The following PIGX variants were observed in gnomAD, a reference collection of about 807,000 sequenced individuals.
The protein encoded by PIGX is GPI alpha-1,4-mannosyltransferase I, stabilizing subunit.
Under a neutral mutation model 28.7 loss-of-function variants are expected in PIGX, and 24 were observed. That is an observed-to-expected ratio of 0.84 (90% confidence interval 0.60 to 1.17). PIGX has a LOEUF of 1.17. Among genes scored for constraint, PIGX ranks in the 50% most tolerant of loss-of-function variants. The probability of loss-of-function intolerance (pLI) is 0.00; values close to 1 mark genes in which losing one functional copy is unlikely to be tolerated. For missense variants in PIGX, 305 were observed against 317.8 expected, an observed-to-expected ratio of 0.96 and a Z score of 0.31; for synonymous variants, 127 against 121.0, an observed-to-expected ratio of 1.05 and a Z score of -0.33.
chr3:196,724,622 A>G (rs1712452106), intron 3 of PIGX, among the ~76,000 whole-genome samples: 1 of 152,054 alleles, frequency 6.6e-6, no homozygotes, highest in Non-Finnish European at 1.5e-5. Context: ...CTTGATCTTG[A>G]TTTTCTGCTT....
At chr3:196,723,107 CAAGG>C (rs1270714141) in intron 3 of PIGX, among the ~76,000 whole-genome samples, 13 of 152,130 alleles carry the variant, frequency 8.5e-5, no homozygotes, top group Non-Finnish European at 1.6e-4. Context: ...TTTGGGAGGC[CAAGG>C]CAGGCAGATT....
chr3:196,722,211 T>TA (rs1712353503), intron 2 of PIGX, among the ~76,000 whole-genome samples: 1 of 152,248 alleles, frequency 6.6e-6, no homozygotes, highest in Admixed American at 6.5e-5. Flanking sequence ...ATTTTTACAA[T>TA]AATGCTATAG....
At chr3:196,725,395 GAAGT>G (rs1050820025) in intron 3 of PIGX, among the ~76,000 whole-genome samples, 6 of 152,128 alleles carry the variant, frequency 3.9e-5, no homozygotes, top group African/African-American at 1.4e-4. Flanking sequence ...CGAGAGAAGG[GAAGT>G]AAGTAAGGTG....
chr3:196,729,411 T>A (rs957770195), intron 4 of PIGX, among the ~76,000 whole-genome samples: 4 of 149,112 alleles, frequency 2.7e-5, no homozygotes, highest in African/African-American at 1.0e-4. Context: ...CTTTCTTTCT[T>A]ATTTTTTTTT....
intron 4 of PIGX, chr3:196,728,801 C>G (rs1039329696): frequency 1.3e-6 from 1 of 765,576 alleles, no homozygotes; most frequent in Non-Finnish European, 2.4e-6. Context: ...TATTAGTAGG[C>G]ATGTACTATG....
At chr3:196,732,295 T>G (rs1577682374) in intron 5 of PIGX, among the ~76,000 whole-genome samples, 1 of 106,976 alleles carries the variant, frequency 9.3e-6, no homozygotes, top group Non-Finnish European at 1.9e-5. Flanking sequence ...TTTATTTTTT[T>G]TTTTGAGACG....
chr3:196,725,367 A>C (rs2049232), intron 3 of PIGX, among the ~76,000 whole-genome samples: 59,984 of 151,986 alleles, frequency 0.39, 11,965 homozygotes, highest in East Asian at 0.56. Flanking sequence ...ATATCAGGCA[A>C]TGAAGGGCAG....
At chr3:196,728,732 T>C in intron 4 of PIGX, 1 of 766,408 alleles carries the variant, frequency 1.3e-6, no homozygotes, top group East Asian at 2.4e-5. Context: ...AGATTCCGGT[T>C]TGATTCCTTT....
At chr3:196,732,122 G>A (rs867086394) in intron 5 of PIGX, among the ~76,000 whole-genome samples, 64 of 148,496 alleles carry the variant, frequency 4.3e-4, no homozygotes, top group Middle Eastern at 3.6e-3. Flanking sequence ...CACCACACCT[G>A]ACTTCAGTTG....
At chr3:196,723,483 T>A (rs922128120) in intron 3 of PIGX, among the ~76,000 whole-genome samples, 1 of 152,196 alleles carries the variant, frequency 6.6e-6, no homozygotes, top group Non-Finnish European at 1.5e-5. Context: ...ACCCCGTAGT[T>A]AGAAAAGTTT....
In PIGX at chr3:196,717,000, T is replaced by G. The variant is rs928951658; in HGVS notation, c.176+79T>G. ...GAGCAAAAAATTGATGGTTGAAATT[T>G]GTATAAATTGAAAAATCAGGCCAGA... On this transcript the variant is annotated intron_variant, in intron 2 of 5. Coordinates refer to ENST00000392391, the MANE Select transcript of PIGX (RefSeq NM_017861.4). 6.7e-6 allele frequency: 6 copies of G among 893,960 alleles called. No homozygotes were observed. The African/African-American group carries it at 1.0e-4, about 15-fold the overall frequency. The allele number at this position is 893,960 out of a possible 1,614,324, so 55.4% of individuals were successfully genotyped here. A position where few individuals can be genotyped will look rare whatever the true frequency, so the allele number is the denominator to read the frequency against.
chr3:196,713,462 T>C (rs1028487595), intron 1 of PIGX, among the ~76,000 whole-genome samples: 3 of 151,832 alleles, frequency 2.0e-5, no homozygotes, highest in African/African-American at 7.3e-5. Flanking sequence ...CCCGCCACCA[T>C]GCCCAGCTAA....
chr3:196,732,357 C>T (rs1712845465), intron 5 of PIGX, among the ~76,000 whole-genome samples: 1 of 145,988 alleles, frequency 6.8e-6, no homozygotes, highest in Non-Finnish European at 1.5e-5. Context: ...TCTCGGCTCA[C>T]CACAACCTCC....
rs1057308915 is a variant in PIGX, at chr3:196,733,102, G to A, written c.634-657G>A. Among the ~76,000 whole-genome samples, 3 of 152,156 alleles carry A rather than the reference G, an allele frequency of 2.0e-5. No individual in the cohort carries two copies. Among genetic ancestry groups the A allele is most frequent in the Non-Finnish European group, 2.9e-5 (2 of 68,028 alleles). On this transcript the variant is annotated intron_variant, in intron 5 of 5. Transcript: ENST00000392391. This position sits in a 1 kb window ranked among gnomAD's most constrained non-coding sequence, Gnocchi z 4.3. ...TATTCTAATTTGAAACATGGTAAGA[G>A]GAAGTAAATGTTTATATTGATTACA...
intron 1 of PIGX, among the ~76,000 whole-genome samples, chr3:196,714,519 T>C (rs1016829102): frequency 6.6e-6 from 1 of 150,524 alleles, no homozygotes; most frequent in African/African-American, 2.4e-5. Flanking sequence ...GCTAGTGCAG[T>C]GGCGCAATCT....
At chr3:196,723,463 C>G (rs56025435) in intron 3 of PIGX, among the ~76,000 whole-genome samples, 2,433 of 152,216 alleles carry the variant, frequency 0.016, 56 homozygotes, top group African/African-American at 0.055. Context: ...CCTTGTTGGA[C>G]CTGAATCTTA....
intron 3 of PIGX, chr3:196,726,889 G>A: frequency 4.5e-6 from 1 of 221,718 alleles, no homozygotes; most frequent in Non-Finnish European, 9.3e-6. Context: ...AGCAGTGGCG[G>A]TATACCTGAA....
rs1408444213 is a variant in PIGX at position 196,716,461 on chromosome 3, T to C, written c.113-397T>C. ...CCTGTTCCTTTTTGGTATCTTGGGA[T>C]CACCTGAATAAAGTAATATTAATAA... On this transcript the variant is annotated intron_variant, in intron 1 of 5. Coordinates refer to ENST00000392391, the MANE Select transcript of PIGX (RefSeq NM_017861.4). 2.0e-5 allele frequency among the ~76,000 whole-genome samples: 3 copies of C among 152,212 alleles called. No homozygotes were observed. In the East Asian group the frequency reaches 5.8e-4, roughly 29 times the overall value.
Position 196,728,014 on chromosome 3 carries a change from A to C in PIGX, c.410A>C (p.Gln137Pro). Residue 137 changes from glutamine to proline, a missense_variant, in exon 4 of 6, where the codon CAG (glutamine) becomes CCG (proline). Transcript: ENST00000392391. ...CTCATTTATGCCAGACGAGATTCAC[A>C]GTGCATTGACTGTTTTCAAGCCTTT... 1.2e-6 allele frequency: 2 copies of C among 1,614,048 alleles called. No individual in the cohort carries two copies.
Sources: allele counts gnomAD v4.1 joint callset (sites outside exome capture counted in the v4.1 genomes callset), GRCh38; gene constraint gnomAD v4.1.1; non-coding constraint Gnocchi (gnomAD v3.1); transcripts MANE v1.5; gene names NCBI Gene and HGNC (gene_info 2026-07-23, HGNC 2026-07-21).